The following TRIM29 variants were observed in gnomAD, a reference collection of about 807,000 sequenced individuals.
The protein encoded by TRIM29 is tripartite motif-containing protein 29.
TRIM29 carries 52 observed loss-of-function variants against 57.3 expected under a neutral mutation model. The observed-to-expected ratio is 0.91, with a 90% confidence interval of 0.73 to 1.14. The LOEUF is 1.14. Among genes scored for constraint, TRIM29 ranks in the 50% most tolerant of loss-of-function variants. TRIM29 has a pLI of 0.00. For synonymous variants in TRIM29, 319 were observed against 316.9 expected, an observed-to-expected ratio of 1.01 and a Z score of -0.07; for missense variants, 753 against 774.6, an observed-to-expected ratio of 0.97 and a Z score of 0.33.
Position 120,137,709 on chromosome 11 carries a change from C to T in TRIM29, c.323G>A (p.Gly108Glu), listed in dbSNP as rs1402792187. ...CTTCTTGGCAGCCCCCAGCTGGAGC[C>T]CTGCGTACGGCGACCTCTTGCCTTC... ...SMEGKRSPYA[G>E]LQLGAAKKPP... The change falls in exon 1 of 9, where the codon GGG becomes GAG. Residue 108 changes from glycine to glutamate, a missense_variant. Physicochemically the swap from Gly to Glu is moderately conservative, Grantham distance 98 (BLOSUM62 -2). Coordinates refer to ENST00000341846, the MANE Select transcript of TRIM29 (RefSeq NM_012101.4). The surrounding 1 kb of genome is among the most constrained non-coding windows in gnomAD (Gnocchi z 6.2). 4.3e-6 allele frequency: 7 copies of T among 1,613,014 alleles called. No homozygotes were observed. Among genetic ancestry groups the T allele is most frequent in the Non-Finnish European group, 8.5e-7 (1 of 1,180,018 alleles).
intron 1 of TRIM29, among the ~76,000 whole-genome samples, chr11:120,133,470 C>T (rs993815642): frequency 5.3e-5 from 8 of 152,226 alleles, no homozygotes; most frequent in African/African-American, 1.9e-4. Flanking sequence ...ACTTTGCTCC[C>T]CTGCTTCCTG....
chr11:120,137,893 C>A lies in TRIM29; in HGVS notation c.139G>T (p.Gly47Cys). The A allele has an allele frequency of 6.2e-7, 1 of 1,611,202 alleles. No individual in the cohort carries two copies. Among genetic ancestry groups the A allele is most frequent in the Non-Finnish European group, 8.5e-7 (1 of 1,180,008 alleles). Residue 47 changes from glycine to cysteine, a missense_variant, in exon 1 of 9, where the codon GGC becomes TGC. By Grantham distance (159) the Gly-to-Cys change is radical (BLOSUM62 -3). Transcript: ENST00000341846. This position sits in a 1 kb window ranked among gnomAD's most constrained non-coding sequence, Gnocchi z 6.2. ...GKDAKTTNGH[G>C]GEAAEGKSLG... The stretch of plus-strand genomic sequence containing the variant: ...CTCTTGCCCTCAGCTGCCTCCCCGC[C>A]GTGCCCGTTGGTGGTCTTGGCATCC...
intron 1 of TRIM29, 31 bp from the exon 2 acceptor site, chr11:120,128,526 CAG>C: frequency 1.3e-6 from 2 of 1,599,294 alleles, no homozygotes; most frequent in South Asian, 1.1e-5. Context: ...TTGGAGAAGT[CAG>C]GGGGAGGAGA....
chr11:120,114,983 T>G (rs1382962162), intron 8 of TRIM29, among the ~76,000 whole-genome samples: 8 of 152,118 alleles, frequency 5.3e-5, no homozygotes, highest in African/African-American at 1.7e-4. Context: ...AGGAGGCCTG[T>G]CCTCCCACTG....
At chr11:120,133,162 G>A (rs1477551684) in intron 1 of TRIM29, among the ~76,000 whole-genome samples, 1 of 152,180 alleles carries the variant, frequency 6.6e-6, no homozygotes, top group Admixed American at 6.5e-5. Flanking sequence ...AATACCTCCT[G>A]GGCTAAGGCC....
rs1863844162 is a variant in TRIM29 at position 120,137,500 on chromosome 11, C to T, written c.532G>A (p.Gly178Ser). The T allele has an allele frequency of 6.2e-7, 1 of 1,602,690 alleles. No individual in the cohort carries two copies. The change falls in exon 1 of 9, where the codon GGC becomes AGC. Residue 178 changes from glycine to serine, a missense_variant. By Grantham distance (56) the Gly-to-Ser change is moderately conservative. Coordinates refer to ENST00000341846, the MANE Select transcript of TRIM29 (RefSeq NM_012101.4). The surrounding 1 kb of genome is among the most constrained non-coding windows in gnomAD (Gnocchi z 6.2). Reference protein sequence around the residue: ...SEEVLCDSCIGNKQKAVKSCL... With the variant: ...SEEVLCDSCISNKQKAVKSCL... ...GACTTGACCGCCTTCTGCTTGTTGC[C>T]GATGCAGGAGTCGCACAGCACCTCC...
At chr11:120,114,112 T>A (rs1000610777) in intron 8 of TRIM29, among the ~76,000 whole-genome samples, 2 of 152,150 alleles carry the variant, frequency 1.3e-5, no homozygotes, top group East Asian at 3.9e-4. Flanking sequence ...GCTCAGCTTC[T>A]CTGCAGCCCA....
chr11:120,123,804 G>A (rs556330417), intron 4 of TRIM29: 32 of 311,208 alleles, frequency 1.0e-4, no homozygotes, highest in East Asian at 5.8e-4. Flanking sequence ...CATCACCTGC[G>A]CCTATCAGTG....
chr11:120,129,256 T>C (rs1181167135), intron 1 of TRIM29, among the ~76,000 whole-genome samples: 1 of 152,122 alleles, frequency 6.6e-6, no homozygotes, highest in East Asian at 1.9e-4. Context: ...TACTCACCTT[T>C]CATGTGGGGA....
chr11:120,122,706 G>A (rs759549702), intron 5 of TRIM29, among the ~76,000 whole-genome samples: 7 of 152,202 alleles, frequency 4.6e-5, no homozygotes, highest in South Asian at 2.1e-4. Context: ...TGTGTGGCCC[G>A]GGAGGAATGC....
intron 1 of TRIM29, among the ~76,000 whole-genome samples, chr11:120,135,323 G>T (rs1368724707): frequency 6.6e-6 from 1 of 152,160 alleles, no homozygotes; most frequent in African/African-American, 2.4e-5. Context: ...TCGAAGACAT[G>T]TCTAAGAATT....
At chr11:120,121,690 G>A (rs11823092) in intron 5 of TRIM29, 11 of 215,326 alleles carry the variant, frequency 5.1e-5, no homozygotes, top group South Asian at 2.1e-4. Context: ...CTAGGCCCTC[G>A]GGGTGGCATC....
chr11:120,123,284 T>TA, intron 4 of TRIM29: 1 of 682,596 alleles, frequency 1.5e-6, no homozygotes, highest in Non-Finnish European at 2.7e-6. Context: ...CCTCTTGAAC[T>TA]AAGCCCTTGT....
intron 8 of TRIM29, chr11:120,113,599 T>G: frequency 2.2e-6 from 1 of 456,144 alleles, no homozygotes; most frequent in Admixed American, 2.3e-5. Context: ...GTCAGCTCCT[T>G]GCCTTTGTGT....
intron 4 of TRIM29, 48 bp from the exon 5 acceptor site, chr11:120,123,103 G>A (rs767906280): frequency 2.6e-5 from 41 of 1,568,028 alleles, no homozygotes; most frequent in East Asian, 2.0e-4. Context: ...TGGGAAGGAG[G>A]AGCCAGCCAC....
At chr11:120,129,892 C>T (rs1015252095) in intron 1 of TRIM29, among the ~76,000 whole-genome samples, 1 of 152,126 alleles carries the variant, frequency 6.6e-6, no homozygotes, top group African/African-American at 2.4e-5. Flanking sequence ...TTTGCCCCAC[C>T]AGCAAACGGC....
rs1422714217 is a variant in TRIM29 at position 120,128,369 on chromosome 11, G to A, written c.900+31C>T. The A allele has an allele frequency of 3.1e-6, 5 of 1,603,314 alleles. No individual in the cohort carries two copies. The South Asian group carries it at 3.3e-5, about 11-fold the overall frequency. ...TCCAGGCAGGCCAGGTCGGGTAAGG[G>A]AGCAGCAAGGTGAGCTTGGGGGCTG... is the stretch of plus-strand genomic sequence containing the variant. On this transcript the variant is annotated intron_variant, in intron 2 of 8. Coordinates refer to ENST00000341846, the MANE Select transcript of TRIM29 (RefSeq NM_012101.4).
chr11:120,123,666 A>G, intron 4 of TRIM29: 1 of 349,582 alleles, frequency 2.9e-6, no homozygotes, highest in East Asian at 7.6e-5. Context: ...TCGACACTTG[A>G]CTTCCCTCAG....
At position 120,137,407 on chromosome 11, in the gene TRIM29, G is replaced by T; in HGVS notation, c.625C>A (p.Arg209=). 6.2e-7 allele frequency: 1 copy of T among 1,611,144 alleles called. No individual in the cohort carries two copies. Residue 209 remains arginine (R), a synonymous_variant, in exon 1 of 9, where the codon CGA becomes AGA. Coordinates refer to ENST00000341846, the MANE Select transcript of TRIM29 (RefSeq NM_012101.4). The surrounding 1 kb of genome is among the most constrained non-coding windows in gnomAD (Gnocchi z 6.2). ...ATGGGCTCGAGCAGCTGGTGGTCTCGGAAGGCGGCGCCCTCCAGGTGGGGC... is the reference window on the plus strand; with the variant it reads ...ATGGGCTCGAGCAGCTGGTGGTCTCTGAAGGCGGCGCCCTCCAGGTGGGGC... ...LKPHLEGAAF[R]DHQLLEPIRD...
Sources: gnomAD v4.1 joint callset for allele counts (sites outside exome capture counted in the v4.1 genomes callset) on GRCh38, gnomAD v4.1.1 for gene constraint, Gnocchi (gnomAD v3.1) non-coding constraint, MANE v1.5 for transcripts, NCBI Gene and HGNC (gene_info 2026-07-23, HGNC 2026-07-21) for gene names.